Variants in AMZ1 observed in about 807,000 individuals in gnomAD.
AMZ1 encodes the protein archaelysin family metallopeptidase 1.
In AMZ1, 39 loss-of-function variants were observed where a neutral mutation model predicts 29.9. The ratio of observed to expected loss-of-function variants is 1.30; its 90% CI spans 1.01 to 1.70. The LOEUF (loss-of-function observed/expected upper bound fraction) is 1.70, where lower values mean the gene tolerates loss of function less well. Among genes scored for constraint, AMZ1 ranks in the 40% most tolerant of loss-of-function variants. The pLI is 0.00. For synonymous variants in AMZ1, 458 were observed against 304.0 expected, an observed-to-expected ratio of 1.51 and a Z score of -5.27; for missense variants, 1,041 against 680.6, an observed-to-expected ratio of 1.53 and a Z score of -5.89.
chr7:2,748,128 A>G (rs1280385134), intron 4 of AMZ1, among the ~76,000 whole-genome samples: 2 of 150,968 alleles, frequency 1.3e-5, no homozygotes, highest in African/African-American at 2.4e-5. Context: ...CAAGCTACCA[A>G]TGACTTTCTT....
chr7:2,720,347 C>T (rs140293579), downstream of AMZ1, among the ~76,000 whole-genome samples: 269 of 152,288 alleles, frequency 1.8e-3, no homozygotes, highest in Non-Finnish European at 2.7e-3. Context: ...ACTTTTTATG[C>T]GCTGTGACAA....
At chr7:2,724,806 C>T (rs543318673) in intron 4 of AMZ1, among the ~76,000 whole-genome samples, 6 of 152,328 alleles carry the variant, frequency 3.9e-5, no homozygotes, top group South Asian at 2.1e-4. Context: ...CCGTCAGCCA[C>T]GTGCCGAGGC....
At position 2,715,576 on chromosome 7, in the gene AMZ1, CT is replaced by C. The variant is rs1789072843; in HGVS notation, c.*2699del. On this transcript the variant is annotated 3_prime_UTR_variant, in exon 7 of 7. Transcript: ENST00000683327. Reference sequence around the variant, plus strand: ...TTTTGAAGTGGGAAGGAGCAAACCACTAAAAAAAACTCCTTTTATCCGCAGC... The same window carrying C: ...TTTTGAAGTGGGAAGGAGCAAACCACAAAAAAAACTCCTTTTATCCGCAGC... 6.6e-6 allele frequency: 1 copy of C among 152,104 alleles called. No individual in the cohort carries two copies. The highest frequency in any genetic ancestry group is 2.4e-5 in the African/African-American group (1 of 41,414). The allele number at this position is 152,104 out of a possible 1,614,324, so 9.4% of individuals were successfully genotyped here.
chr7:2,755,089 G>A (rs1038094036), intron 4 of AMZ1, among the ~76,000 whole-genome samples: 1 of 152,160 alleles, frequency 6.6e-6, no homozygotes, highest in African/African-American at 2.4e-5. Flanking sequence ...CGGGCGTGCT[G>A]GCGGGGAGCG....
intron 4 of AMZ1, among the ~76,000 whole-genome samples, chr7:2,751,646 A>C (rs1197688078): frequency 6.6e-6 from 1 of 152,238 alleles, no homozygotes; most frequent in Non-Finnish European, 1.5e-5. Flanking sequence ...TAAGAAAAAG[A>C]AAAAACAAAT....
intron 4 of AMZ1, among the ~76,000 whole-genome samples, chr7:2,727,331 C>T (rs555528432): frequency 3.9e-4 from 59 of 152,300 alleles, no homozygotes; most frequent in African/African-American, 1.0e-3. Flanking sequence ...CCGCTCGCCT[C>T]GGACTCTCAA....
chr7:2,723,626 C>T (rs922692917), downstream of AMZ1, among the ~76,000 whole-genome samples: 4 of 152,204 alleles, frequency 2.6e-5, no homozygotes, highest in African/African-American at 9.7e-5. Flanking sequence ...CCTGCATGCC[C>T]CCTCGGCGCT....
intron 4 of AMZ1, among the ~76,000 whole-genome samples, chr7:2,749,025 G>C (rs1255743490): frequency 1.3e-5 from 2 of 152,190 alleles, no homozygotes; most frequent in African/African-American, 2.4e-5. Context: ...GTGCTGGAGA[G>C]GATGTGGAGA....
At chr7:2,708,512 G>T in intron 3 of AMZ1, 76 bp from the exon 4 acceptor site, 2 of 1,588,618 alleles carry the variant, frequency 1.3e-6, no homozygotes, top group Non-Finnish European at 1.7e-6. Flanking sequence ...AGAGGATGAC[G>T]GGGTGCCAGC....
Position 2,702,838 on chromosome 7 carries a change from C to G in AMZ1, c.421C>G (p.Arg141Gly), listed in dbSNP as rs1174524944. 2 of 1,578,506 alleles carry G rather than the reference C, an allele frequency of 1.3e-6. No homozygotes were observed. The highest frequency in any genetic ancestry group is 1.7e-6 in the Non-Finnish European group (2 of 1,168,042). ...CLPSVAAASI[R>G]CSSRPSRDSD... ...GCCGTCGGTGGCAGCCGCGTCCATC[C>G]GCTGCTCCTCGCGGCCCAGCCGGGA... The change falls in exon 3 of 7, where the codon CGC becomes GGC. Residue 141 changes from arginine to glycine, a missense_variant. Coordinates refer to ENST00000683327, the MANE Select transcript of AMZ1 (RefSeq NM_001384743.1).
Position 2,700,294 on chromosome 7 carries a change from C to T in AMZ1, c.-158C>T. On this transcript the variant is annotated 5_prime_UTR_variant, in exon 2 of 7. Transcript: ENST00000683327. Reference sequence around the variant, plus strand: ...CGTCCAGGACCAGGCAGAGCTGGGCCTTAAGGGCCCTTGGACCAGTGTCTG... The same window carrying T: ...CGTCCAGGACCAGGCAGAGCTGGGCTTTAAGGGCCCTTGGACCAGTGTCTG... 1 of 828,486 alleles carries T rather than the reference C, an allele frequency of 1.2e-6. No individual in the cohort carries two copies. The highest frequency in any genetic ancestry group is 1.8e-6 in the Non-Finnish European group (1 of 544,596). 51.3% of individuals were successfully genotyped at this position (828,486 alleles called of 1,614,324 possible).
chr7:2,759,230 C>T (rs973518735), intron 4 of AMZ1, among the ~76,000 whole-genome samples: 1 of 151,590 alleles, frequency 6.6e-6, no homozygotes, highest in Non-Finnish European at 1.5e-5. Flanking sequence ...CAAAATATAA[C>T]GCTGAAGAAA....
rs111616545 is a variant in AMZ1, at chr7:2,725,915, G to A, written n.550+16099G>A. On this transcript the variant is annotated intron_variant and non_coding_transcript_variant, in intron 4 of 4. Coordinates refer to the AMZ1 transcript ENST00000489665. ...GCCTCTGTATACAGGCGTCCAGCCCGCCCGCTGCAGTCCCCCCACCGACTC... is the reference window on the plus strand; with the variant it reads ...GCCTCTGTATACAGGCGTCCAGCCCACCCGCTGCAGTCCCCCCACCGACTC... Among the ~76,000 whole-genome samples the A allele has an allele frequency of 1.1e-4, 15 of 141,078 alleles. 1 individual carries two copies. The highest frequency in any genetic ancestry group is 3.4e-4 in the African/African-American group (12 of 35,676). The allele number at this position is 141,078 out of a possible 152,430, so 92.6% of individuals were successfully genotyped here. A position where few individuals can be genotyped will look rare whatever the true frequency, so the allele number is the denominator to read the frequency against.
rs59438885 is a variant in AMZ1, at chr7:2,709,124, G to T, written c.651G>T (p.Ser217=). 1.9e-6 allele frequency: 3 copies of T among 1,598,916 alleles called. No homozygotes were observed. The highest frequency in any genetic ancestry group is 1.3e-5 in the African/African-American group (1 of 74,372). ...FARFSGEFPK[S]GPSAPDLALV... ...GGTTCTCAGGGGAATTCCCGAAGTC[G>T]GGGCCCAGCGCCCCTGATCTGGCCC... is the stretch of plus-strand genomic sequence containing the variant. The change falls in exon 5 of 7, where the codon TCG becomes TCT. Residue 217 remains serine, a synonymous_variant. Transcript: ENST00000683327.
chr7:2,723,900 A>T (rs798542), downstream of AMZ1, among the ~76,000 whole-genome samples: 106,765 of 151,922 alleles, frequency 0.7, 37,872 homozygotes, highest in Non-Finnish European at 0.72. Flanking sequence ...CTTTCCCTCG[A>T]CTGGACTTCT....
chr7:2,711,849 G>T (rs1027861929), intron 6 of AMZ1, among the ~76,000 whole-genome samples: 21 of 152,146 alleles, frequency 1.4e-4, no homozygotes, highest in African/African-American at 5.1e-4. Context: ...TTTGAGACCA[G>T]CCTGGCTAAC....
downstream of AMZ1, among the ~76,000 whole-genome samples, chr7:2,723,557 C>T (rs758880483): frequency 3.3e-5 from 5 of 152,188 alleles, no homozygotes; most frequent in Admixed American, 6.5e-5. Context: ...AGCCAGCTGT[C>T]GGACTGAGGA....
chr7:2,754,027 T>G (rs1445357392), intron 4 of AMZ1, among the ~76,000 whole-genome samples: 1 of 152,210 alleles, frequency 6.6e-6, no homozygotes, highest in Non-Finnish European at 1.5e-5. Context: ...ACCCTTAAGT[T>G]CAGCGTTACT....
At chr7:2,755,490 T>C (rs1215799545) in intron 4 of AMZ1, among the ~76,000 whole-genome samples, 2 of 152,242 alleles carry the variant, frequency 1.3e-5, no homozygotes, top group Non-Finnish European at 1.5e-5. Flanking sequence ...CAGTATTTCA[T>C]TTTTAAAATG....
Sources: allele counts gnomAD v4.1 joint callset (sites outside exome capture counted in the v4.1 genomes callset), GRCh38; gene constraint gnomAD v4.1.1; transcripts MANE v1.5; gene names NCBI Gene and HGNC (gene_info 2026-07-23, HGNC 2026-07-21).